The following MTPAP variants were observed in gnomAD, a reference collection of about 807,000 sequenced individuals.
MTPAP encodes the protein mitochondrial poly(A) polymerase.
MTPAP carries 23 observed loss-of-function variants against 48.7 expected under a neutral mutation model. The ratio of observed to expected loss-of-function variants is 0.47; its 90% CI spans 0.34 to 0.67. The LOEUF is 0.67. MTPAP is among the 30% of genes least tolerant of loss of function. The pLI is 0.01. For missense variants in MTPAP, 614 were observed against 694.3 expected, an observed-to-expected ratio of 0.88 and a Z score of 1.30; for synonymous variants, 257 against 254.1, an observed-to-expected ratio of 1.01 and a Z score of -0.11.
chr10:30,335,963 T>C (rs902600824), intron 4 of MTPAP, among the ~76,000 whole-genome samples: 8 of 152,036 alleles, frequency 5.3e-5, no homozygotes, highest in African/African-American at 1.2e-4. Flanking sequence ...TGAGCCGAGA[T>C]TGCACCATTG....
rs763177290 is a variant in MTPAP, at chr10:30,312,179, T to C, written c.*1430A>G. 2 of 152,130 alleles carry C rather than the reference T, an allele frequency of 1.3e-5. No homozygotes were observed. Among genetic ancestry groups the C allele is most frequent in the African/African-American group, 2.4e-5 (1 of 41,420 alleles). 9.4% of individuals were successfully genotyped at this position (152,130 alleles called of 1,614,324 possible). On this transcript the variant is annotated 3_prime_UTR_variant, in exon 9 of 9. Coordinates refer to ENST00000263063, the MANE Select transcript of MTPAP (RefSeq NM_018109.4). Reference sequence around the variant, plus strand: ...AGCAAAAAAGTTGCTCCACAGAGAATGTAATGGAAATTAAATTTCAATATA... The same window carrying C: ...AGCAAAAAAGTTGCTCCACAGAGAACGTAATGGAAATTAAATTTCAATATA...
chr10:30,315,605 T>C (rs1306835483), intron 8 of MTPAP, among the ~76,000 whole-genome samples: 1 of 152,180 alleles, frequency 6.6e-6, no homozygotes, highest in Non-Finnish European at 1.5e-5. Context: ...GACTTAAGTT[T>C]ATTCCATAGA....
chr10:30,315,486 CGT>C (rs1242950600), intron 8 of MTPAP, among the ~76,000 whole-genome samples: 2 of 126,288 alleles, frequency 1.6e-5, no homozygotes, highest in African/African-American at 5.3e-5. Flanking sequence ...AAATCCAAAT[CGT>C]AAGTTCATTT....
intron 8 of MTPAP, 100 bp from the exon 9 acceptor site, chr10:30,314,071 G>A: frequency 7.6e-7 from 1 of 1,310,308 alleles, no homozygotes; most frequent in Non-Finnish European, 1.1e-6. Flanking sequence ...TAAAACACCA[G>A]CATTAACTTT....
rs138702330 is a variant in MTPAP at position 30,340,332 on chromosome 10, T to C, written c.449A>G (p.Asn150Ser). The change falls in exon 3 of 9, where the codon AAT becomes AGT. Residue 150 changes from asparagine (N) to serine (S), a missense_variant. This residue lies in a region of MTPAP where 114 missense variants were observed against 107.9 expected (regional missense o/e 1.06). Coordinates refer to ENST00000263063, the MANE Select transcript of MTPAP (RefSeq NM_018109.4). Reference protein sequence around the residue: ...TAIPFRSRFFNLKLKNQTSER... With the variant: ...TAIPFRSRFFSLKLKNQTSER... ...AGAAGTCTGGTTTTTCAACTTCAGA[T>C]TGAAGAAACGTGATCTGAATGGAAT... 18 of 1,614,028 alleles carry C rather than the reference T, an allele frequency of 1.1e-5. No homozygotes were observed. In the African/African-American group the frequency reaches 1.9e-4, roughly 17 times the overall value.
In MTPAP at chr10:30,313,707, T is replaced by C. The variant is rs1000445497; in HGVS notation, c.1651A>G (p.Ile551Val). ...FTKKKSNKFA[I>V]ETVKNLLESL... ...TCTAGCAAGTTTTTGACTGTTTCAA[T>C]TGCAAACTTATTGCTTTTCTTCTTG... is the stretch of plus-strand genomic sequence containing the variant. Residue 551 changes from isoleucine to valine, a missense_variant, in exon 9 of 9, where the codon ATT (isoleucine) becomes GTT (valine). This residue lies in a region of MTPAP where 109 missense variants were observed against 100.5 expected (regional missense o/e 1.08). Coordinates refer to ENST00000263063, the MANE Select transcript of MTPAP (RefSeq NM_018109.4). The C allele has an allele frequency of 3.1e-6, 5 of 1,614,224 alleles. No homozygotes were observed. The Admixed American group carries it at 5.0e-5, about 16-fold the overall frequency.
intron 3 of MTPAP, among the ~76,000 whole-genome samples, chr10:30,339,455 C>G (rs1226980792): frequency 1.4e-5 from 2 of 139,942 alleles, no homozygotes; most frequent in Non-Finnish European, 3.0e-5. Context: ...TGCACTCCAG[C>G]CTGGGCAAGA....
Position 30,310,209 on chromosome 10 carries a change from G to C in MTPAP, c.*3400C>G, listed in dbSNP as rs1272181733. 1 of 152,112 alleles carries C rather than the reference G, an allele frequency of 6.6e-6. No individual in the cohort carries two copies. Among genetic ancestry groups the C allele is most frequent in the East Asian group, 1.9e-4 (1 of 5,200 alleles). 9.4% of individuals were successfully genotyped at this position (152,112 alleles called of 1,614,324 possible). On this transcript the variant is annotated 3_prime_UTR_variant, in exon 9 of 9. Transcript: ENST00000263063. ...CGTAATAAAAATATTTTAAAAATCT[G>C]GGTTGTGATACACTAAAGTTATGAG...
intron 6 of MTPAP, among the ~76,000 whole-genome samples, chr10:30,317,243 T>C (rs1009498999): frequency 4.6e-5 from 7 of 152,234 alleles, no homozygotes. Flanking sequence ...GATGGAAATG[T>C]AGGGAGTTCC....
At chr10:30,314,118 T>G in intron 8 of MTPAP, 147 bp from the exon 9 acceptor site, 1 of 961,264 alleles carries the variant, frequency 1.0e-6, no homozygotes, top group Non-Finnish European at 1.6e-6. Context: ...GGATTGAGTA[T>G]GTATGCATGG....
chr10:30,319,156 A>G (rs965122408), intron 6 of MTPAP, among the ~76,000 whole-genome samples: 4 of 152,216 alleles, frequency 2.6e-5, no homozygotes, highest in African/African-American at 9.6e-5. Context: ...AAGGAGTTCA[A>G]GAGTGGCTAA....
At chr10:30,339,889 G>GTT (rs1588720654) in intron 3 of MTPAP, 2 of 322,366 alleles carry the variant, frequency 6.2e-6, no homozygotes, top group South Asian at 6.5e-5. Flanking sequence ...AATTCACTAC[G>GTT]TTAAGACATT....
Position 30,329,596 on chromosome 10 carries a change from A to G in MTPAP, c.781-2961T>C, listed in dbSNP as rs1416477917. Among the ~76,000 whole-genome samples the G allele has an allele frequency of 3.3e-5, 5 of 152,048 alleles. No homozygotes were observed. The South Asian group carries it at 8.3e-4, about 25-fold the overall frequency. ...TAGTCCTTTCCTAAGACTCATCCAT[A>G]TTCCTGGCCCTGGGTTCTATGATGC... On this transcript the variant is annotated intron_variant, in intron 4 of 8. Coordinates refer to ENST00000263063, the MANE Select transcript of MTPAP (RefSeq NM_018109.4).
chr10:30,338,626 G>T (rs371289007), intron 3 of MTPAP, among the ~76,000 whole-genome samples: 1 of 151,984 alleles, frequency 6.6e-6, no homozygotes, highest in Non-Finnish European at 1.5e-5. Flanking sequence ...AGTGAGCCAC[G>T]ATCAGGCCAT....
chr10:30,326,716 T>A, intron 4 of MTPAP, 81 bp from the exon 5 acceptor site: 2 of 1,027,236 alleles, frequency 1.9e-6, no homozygotes, highest in Non-Finnish European at 3.0e-6. Context: ...AAGAATGCTC[T>A]AAATCACTGC....
At position 30,313,884 on chromosome 10, in the gene MTPAP, G is replaced by T; in HGVS notation, c.1474C>A (p.Gln492Lys). The T allele has an allele frequency of 6.2e-7, 1 of 1,614,116 alleles. No homozygotes were observed. The highest frequency in any genetic ancestry group is 1.1e-5 in the South Asian group (1 of 91,058). Residue 492 changes from glutamine to lysine, a missense_variant, in exon 9 of 9, where the codon CAA (glutamine) becomes AAA (lysine). Physicochemically the swap from Gln to Lys is moderately conservative, Grantham distance 53 (BLOSUM62 1). Around this residue, in one of 5 missense-constraint regions of MTPAP, gnomAD observed 261 missense variants for 355.4 expected, o/e 0.73. Transcript: ENST00000263063. ...TSLNISKNVS[Q>K]SQLQKFVDLA... ...TCTACAAATTTTTGCAGCTGGCTTT[G>T]ACTTACATTTTTGCTTATGTTGAGA...
In MTPAP at chr10:30,333,869, T is replaced by G. The variant is rs150263214; in HGVS notation, c.780+2934A>C. On this transcript the variant is annotated intron_variant, in intron 4 of 8. Coordinates refer to ENST00000263063, the MANE Select transcript of MTPAP (RefSeq NM_018109.4). The stretch of plus-strand genomic sequence containing the variant: ...GTGAGCTGAGATCATACCACTGCAC[T>G]CTAGCCTGGGCAAAAGAGTGAGACC... Among the ~76,000 whole-genome samples, 90 of 152,252 alleles carry G rather than the reference T, an allele frequency of 5.9e-4. No homozygotes were observed. The East Asian group carries it at 0.015, about 26-fold the overall frequency.
intron 5 of MTPAP, among the ~76,000 whole-genome samples, chr10:30,324,799 C>T (rs543795156): frequency 1.8e-4 from 28 of 152,140 alleles, no homozygotes; most frequent in African/African-American, 6.7e-4. Flanking sequence ...GTCCGGAGTT[C>T]AAGACCAGCC....
intron 4 of MTPAP, among the ~76,000 whole-genome samples, chr10:30,335,577 G>C (rs1051570738): frequency 9.9e-5 from 15 of 152,166 alleles, no homozygotes; most frequent in African/African-American, 3.4e-4. Context: ...GGATGGAAGA[G>C]ACACTGGTTA....
Sources: gnomAD v4.1 joint callset for allele counts (sites outside exome capture counted in the v4.1 genomes callset) on GRCh38, gnomAD v4.1.1 for gene constraint, gnomAD v4.1.1 regional missense constraint, MANE v1.5 for transcripts, NCBI Gene and HGNC (gene_info 2026-07-23, HGNC 2026-07-21) for gene names.